Variants in TJP1 observed in about 807,000 individuals in gnomAD.
The protein encoded by TJP1 is tight junction protein 1, also known as tight junction protein ZO-1.
A neutral mutation model predicts 194.2 loss-of-function variants in TJP1; 43 were observed. The observed-to-expected ratio is 0.22, with a 90% CI of 0.17 to 0.29. The LOEUF (loss-of-function observed/expected upper bound fraction) is 0.29, where lower values mean the gene tolerates loss of function less well. Ranked by LOEUF, TJP1 falls within the 10% of genes least tolerant of loss-of-function variation. TJP1 has a pLI of 1.00. For synonymous variants in TJP1, 801 were observed against 779.0 expected, an observed-to-expected ratio of 1.03 and a Z score of -0.47; for missense variants, 1,971 against 2,185.7, an observed-to-expected ratio of 0.90 and a Z score of 1.96.
intron 8 of TJP1, among the ~76,000 whole-genome samples, chr15:29,756,659 C>A (rs1442789401): frequency 6.6e-6 from 1 of 152,136 alleles, no homozygotes; most frequent in Admixed American, 6.5e-5. Flanking sequence ...GAATATCACA[C>A]AGAGGAACAT....
intron 2 of TJP1, among the ~76,000 whole-genome samples, chr15:29,951,079 G>C (rs892572127): frequency 2.6e-4 from 40 of 152,176 alleles, no homozygotes; most frequent in Admixed American, 1.4e-3. Context: ...AATTACATGA[G>C]GGGTTGAGGG....
chr15:29,871,559 C>T (rs772946504), intron 2 of TJP1, among the ~76,000 whole-genome samples: 13 of 152,256 alleles, frequency 8.5e-5, no homozygotes, highest in East Asian at 5.8e-4. Flanking sequence ...GAGGCGCAAC[C>T]GCCTGGAGAG....
chr15:29,822,965 G>C (rs1356829346), upstream of TJP1: 2 of 152,216 alleles, frequency 1.3e-5, no homozygotes, highest in African/African-American at 4.8e-5. Flanking sequence ...TTTCATCTCC[G>C]AGGAGCTCCG....
chr15:29,874,127 G>A (rs1030918445), intron 2 of TJP1, among the ~76,000 whole-genome samples: 3 of 152,148 alleles, frequency 2.0e-5, no homozygotes, highest in African/African-American at 7.2e-5. Flanking sequence ...CCCATTTAAG[G>A]CTGTCACCAC....
intron 2 of TJP1, among the ~76,000 whole-genome samples, chr15:29,914,000 C>T (rs546835578): frequency 2.0e-5 from 3 of 152,274 alleles, no homozygotes; most frequent in East Asian, 3.9e-4. Flanking sequence ...TCTCCGGAGG[C>T]TTGCTTTCCA....
At chr15:29,767,840 C>T (rs1011222505) in intron 4 of TJP1, among the ~76,000 whole-genome samples, 9 of 152,102 alleles carry the variant, frequency 5.9e-5, no homozygotes, top group African/African-American at 1.9e-4. Context: ...AAGACCAAGG[C>T]AATCTTCTCC....
chr15:29,894,081 TG>T (rs1185549838), intron 2 of TJP1, among the ~76,000 whole-genome samples: 1 of 152,200 alleles, frequency 6.6e-6, no homozygotes, highest in Non-Finnish European at 1.5e-5. Flanking sequence ...ATTAAGTGTG[TG>T]GGGGGCCAGA....
chr15:29,845,349 C>T (rs2152073015), intron 2 of TJP1, among the ~76,000 whole-genome samples: 1 of 152,186 alleles, frequency 6.6e-6, no homozygotes, highest in South Asian at 2.1e-4. Context: ...GACTATTCAT[C>T]CCAGGAAATC....
intron 1 of TJP1, chr15:29,968,332 G>A (rs1227041594): frequency 3.0e-6 from 3 of 985,294 alleles, no homozygotes; most frequent in Non-Finnish European, 3.6e-6. Context: ...AGAACCCGCC[G>A]TAATGGAGCA....
chr15:29,936,732 G>C (rs373454877), intron 2 of TJP1, among the ~76,000 whole-genome samples: 1 of 152,172 alleles, frequency 6.6e-6, no homozygotes, highest in South Asian at 2.1e-4. Flanking sequence ...AGGGGTCCCC[G>C]TGCTCCCAAA....
intron 1 of TJP1, among the ~76,000 whole-genome samples, chr15:29,967,162 C>G (rs140974217): frequency 6.6e-6 from 1 of 152,102 alleles, no homozygotes; most frequent in East Asian, 1.9e-4. Context: ...TACAGCCACA[C>G]ACCACCATGC....
At chr15:29,947,812 A>G (rs908221243) in intron 2 of TJP1, among the ~76,000 whole-genome samples, 1 of 152,130 alleles carries the variant, frequency 6.6e-6, no homozygotes, top group Non-Finnish European at 1.5e-5. Context: ...CCACCTAGAG[A>G]CTGGACGAAT....
chr15:29,844,505 G>T (rs769084755), intron 2 of TJP1, among the ~76,000 whole-genome samples: 12 of 152,232 alleles, frequency 7.9e-5, no homozygotes, highest in Non-Finnish European at 1.3e-4. Flanking sequence ...GACAGCATCA[G>T]TGGATGTGCT....
At chr15:29,901,104 C>T (rs116703112) in intron 2 of TJP1, among the ~76,000 whole-genome samples, 2,330 of 151,942 alleles carry the variant, frequency 0.015, 56 homozygotes, top group African/African-American at 0.052. Context: ...AGAAGAAAAT[C>T]GATGAGAATG....
chr15:29,763,796 T>C (rs1036267414), intron 5 of TJP1, among the ~76,000 whole-genome samples: 4 of 148,452 alleles, frequency 2.7e-5, no homozygotes, highest in Non-Finnish European at 3.0e-5. Flanking sequence ...TACATCAGAA[T>C]TACAGTTTAA....
rs938496320 is a variant in TJP1, at chr15:29,822,146, G to A, written c.-118C>T. On this transcript the variant is annotated 5_prime_UTR_variant, in exon 1 of 28. Coordinates refer to ENST00000614355, the MANE Select transcript of TJP1 (RefSeq NM_001330239.4). The stretch of plus-strand genomic sequence containing the variant: ...TCTCCCGAGAGCGAGCGGGGCACGG[G>A]CGGGGGCGGCCGGAAGGGCCCGGCC... 16 of 1,192,152 alleles carry A rather than the reference G, an allele frequency of 1.3e-5. No individual in the cohort carries two copies. In the African/African-American group the frequency reaches 1.8e-4, roughly 13 times the overall value. 73.8% of individuals were successfully genotyped at this position (1,192,152 alleles called of 1,614,324 possible).
At chr15:29,775,597 T>A (rs960810417) in intron 2 of TJP1, among the ~76,000 whole-genome samples, 1 of 152,106 alleles carries the variant, frequency 6.6e-6, no homozygotes, top group Non-Finnish European at 1.5e-5. Flanking sequence ...TGGGGGAACA[T>A]ACACCCCATG....
At chr15:29,867,438 T>C (rs945864424) in intron 2 of TJP1, among the ~76,000 whole-genome samples, 8 of 152,338 alleles carry the variant, frequency 5.3e-5, no homozygotes, top group South Asian at 2.1e-4. Context: ...CACTTTCACA[T>C]TGGGCCTTGC....
At chr15:29,762,239 T>C (rs2046052982) in intron 6 of TJP1, 96 bp downstream of exon 6, 2 of 997,244 alleles carry the variant, frequency 2.0e-6, no homozygotes, top group Non-Finnish European at 2.9e-6. Flanking sequence ...TTAATTCTCT[T>C]TGGCAAAACT....
Sources: allele counts gnomAD v4.1 joint callset (sites outside exome capture counted in the v4.1 genomes callset), GRCh38; gene constraint gnomAD v4.1.1; transcripts MANE v1.5; gene names NCBI Gene and HGNC (gene_info 2026-07-23, HGNC 2026-07-21).